The following PGBD1 variants were observed in gnomAD, a reference collection of about 807,000 sequenced individuals.
PGBD1 encodes piggyBac transposable element-derived protein 1.
In PGBD1, 25 loss-of-function variants were observed where a neutral mutation model predicts 34.7. That is an observed-to-expected ratio of 0.72 (90% CI 0.52 to 1.00). PGBD1 has a LOEUF of 1.00. Among genes scored for constraint, PGBD1 ranks in the 50% least tolerant of loss-of-function variants. The pLI is 0.00. For synonymous variants in PGBD1, 292 were observed against 335.7 expected (o/e 0.87, Z 1.42); for missense variants, 830 against 959.4 (o/e 0.87, Z 1.78).
intron 4 of PGBD1, among the ~76,000 whole-genome samples, chr6:28,292,437 A>C (rs903671165): frequency 6.6e-6 from 1 of 152,024 alleles, no homozygotes; most frequent in African/African-American, 2.4e-5. Flanking sequence ...TATATTTTTT[A>C]GTATTTTATT....
chr6:28,284,747 C>G (rs897927987), intron 2 of PGBD1, among the ~76,000 whole-genome samples: 2 of 152,138 alleles, frequency 1.3e-5, no homozygotes, highest in African/African-American at 4.8e-5. Flanking sequence ...TCTTGAACTC[C>G]TGGCCTCAAG....
chr6:28,286,948 A>G (rs1054030586), intron 3 of PGBD1, 132 bp from the exon 4 acceptor site: 2 of 698,378 alleles, frequency 2.9e-6, no homozygotes, highest in African/African-American at 3.6e-5. Flanking sequence ...TCTTTCTCAC[A>G]CTGTAAAATC....
chr6:28,285,018 T>C (rs547573806), intron 2 of PGBD1, among the ~76,000 whole-genome samples: 2 of 152,340 alleles, frequency 1.3e-5, no homozygotes, highest in South Asian at 4.1e-4. Flanking sequence ...ATATTGCACT[T>C]AGTTGCCATA....
At chr6:28,290,718 A>G (rs938638434) in intron 4 of PGBD1, among the ~76,000 whole-genome samples, 1 of 152,222 alleles carries the variant, frequency 6.6e-6, no homozygotes, top group Admixed American at 6.5e-5. Flanking sequence ...ATCTGAACAA[A>G]TTTTTAAAAA....
Position 28,302,295 on chromosome 6 carries a change from A to G in PGBD1, c.*11A>G. On this transcript the variant is annotated 3_prime_UTR_variant, in exon 7 of 7. Coordinates refer to ENST00000682144, the MANE Select transcript of PGBD1 (RefSeq NM_032507.4). ...CATCTGTCAGATTAGGGTACATAAA[A>G]TGGACATAGTGCAGACATTAATAAG... 1 of 1,602,884 alleles carries G rather than the reference A, an allele frequency of 6.2e-7. No individual in the cohort carries two copies. The highest frequency in any genetic ancestry group is 8.5e-7 in the Non-Finnish European group (1 of 1,172,796).
chr6:28,296,980 A>G, intron 5 of PGBD1, 35 bp downstream of exon 5: 2 of 1,611,306 alleles, frequency 1.2e-6, no homozygotes, highest in Non-Finnish European at 1.7e-6. Context: ...CCCTGTCTGG[A>G]CTCTCATTTT....
At chr6:28,284,916 T>A (rs886563116) in intron 2 of PGBD1, among the ~76,000 whole-genome samples, 1 of 152,218 alleles carries the variant, frequency 6.6e-6, no homozygotes, top group African/African-American at 2.4e-5. Flanking sequence ...TACTATCATA[T>A]AACCTTAGTC....
rs371191301 is a variant in PGBD1, at chr6:28,283,931, C to T, written c.118C>T (p.Gln40Ter). 1.9e-6 allele frequency: 3 copies of T among 1,614,224 alleles called. No individual in the cohort carries two copies. Among genetic ancestry groups the T allele is most frequent in the East Asian group, 2.2e-5 (1 of 44,890 alleles). ...CNSQEGSSHT[Q>*]EICRLRFRHF... ...CTCACAGGAGGGCAGCTCCCACACT[C>T]AGGAGATTTGCCGCCTGCGCTTTCG... The change falls in exon 2 of 7, where the codon CAG (glutamine) becomes TAG (stop). Residue 40 changes from glutamine to a stop codon, truncating the protein, a stop_gained. Transcript: ENST00000682144. LOFTEE classifies it high-confidence loss of function.
intron 3 of PGBD1, 124 bp downstream of exon 3, chr6:28,285,831 C>A: frequency 1.0e-6 from 1 of 984,578 alleles, no homozygotes. Flanking sequence ...ACATATCTCA[C>A]AGTTACCTTT....
intron 4 of PGBD1, among the ~76,000 whole-genome samples, chr6:28,295,742 G>A (rs755201110): frequency 3.3e-5 from 5 of 152,134 alleles, no homozygotes; most frequent in Admixed American, 6.5e-5. Context: ...ACATGCACTC[G>A]GAAGCCAAGA....
chr6:28,285,631 C>G lies in PGBD1; in HGVS notation c.477C>G (p.Leu159=). The G allele has an allele frequency of 6.2e-7, 1 of 1,614,158 alleles. No individual in the cohort carries two copies. The highest frequency in any genetic ancestry group is 2.2e-5 in the East Asian group (1 of 44,878). Residue 159 remains leucine (L), a synonymous_variant, in exon 3 of 7, where the codon CTC becomes CTG. Transcript: ENST00000682144. ...YQGVSLECQS[L]QLLPGITTLK... is the part of the protein sequence containing the mutation. ...GAGTCTCTTTGGAGTGTCAGAGCCT[C>G]CAGCTCCTGCCTGGGATAACCACCC...
intron 2 of PGBD1, among the ~76,000 whole-genome samples, 197 bp downstream of exon 2, chr6:28,284,406 G>A (rs752638936): frequency 1.1e-4 from 15 of 131,680 alleles, no homozygotes; most frequent in African/African-American, 2.5e-4. Flanking sequence ...GTACACACTC[G>A]TACAAGGAAG....
chr6:28,293,878 T>C (rs1314058378), intron 4 of PGBD1, among the ~76,000 whole-genome samples: 2 of 152,188 alleles, frequency 1.3e-5, no homozygotes, highest in Non-Finnish European at 2.9e-5. Flanking sequence ...ATAATACTAC[T>C]ACTACAGTGA....
At chr6:28,287,419 G>T (rs552811935) in intron 4 of PGBD1, among the ~76,000 whole-genome samples, 2 of 152,272 alleles carry the variant, frequency 1.3e-5, no homozygotes, top group East Asian at 3.9e-4. Flanking sequence ...ATGGGAGTGA[G>T]GGGTGGAGTG....
In PGBD1 at chr6:28,300,945, A is replaced by G; in HGVS notation, c.1091A>G (p.Asp364Gly). 2 of 1,614,146 alleles carry G rather than the reference A, an allele frequency of 1.2e-6. No homozygotes were observed. The highest frequency in any genetic ancestry group is 1.7e-6 in the Non-Finnish European group (2 of 1,180,032). ...GGCCTCTCATTCTCTGGTGACTCAG[A>G]TGTGGAAAAAGATAATGAGCCTGAG... ...LQGLSFSGDS[D>G]VEKDNEPEIQ... Residue 364 changes from aspartate to glycine, a missense_variant, in exon 7 of 7, where the codon GAT becomes GGT. This residue lies in a region of PGBD1 where 457 missense variants were observed against 515.4 expected (regional missense o/e 0.89). Transcript: ENST00000682144. This position sits in a 1 kb window ranked among gnomAD's most constrained non-coding sequence, Gnocchi z 4.0.
Position 28,296,904 on chromosome 6 carries a change from G to C in PGBD1, c.731G>C (p.Gly244Ala). 1 of 1,614,062 alleles carries C rather than the reference G, an allele frequency of 6.2e-7. No individual in the cohort carries two copies. The highest frequency in any genetic ancestry group is 8.5e-7 in the Non-Finnish European group (1 of 1,179,996). The change falls in exon 5 of 7, where the codon GGG becomes GCG. Residue 244 changes from glycine to alanine, a missense_variant. By Grantham distance (60) the Gly-to-Ala change is moderately conservative. Coordinates refer to ENST00000682144, the MANE Select transcript of PGBD1 (RefSeq NM_032507.4). ...HLSLTRRNLC[G>A]NSAQETVMSL... ...AGTCTGACTCGGAGGAACCTCTGTGGGAACTCAGCTCAGGAGACAGTTATG... is the reference window on the plus strand; with the variant it reads ...AGTCTGACTCGGAGGAACCTCTGTGCGAACTCAGCTCAGGAGACAGTTATG...
chr6:28,292,300 A>T (rs566882873), intron 4 of PGBD1, among the ~76,000 whole-genome samples: 1 of 152,326 alleles, frequency 6.6e-6, no homozygotes, highest in Non-Finnish European at 1.5e-5. Flanking sequence ...ACAATCTGAG[A>T]TAGAAATCAA....
At chr6:28,282,800 A>T (rs1049274215) in intron 1 of PGBD1, among the ~76,000 whole-genome samples, 2 of 152,184 alleles carry the variant, frequency 1.3e-5, no homozygotes, top group Non-Finnish European at 2.9e-5. Context: ...TTGGAGTGCA[A>T]AAAGCAAGCT....
chr6:28,283,621 C>A, intron 1 of PGBD1, 155 bp from the exon 2 acceptor site: 1 of 599,006 alleles, frequency 1.7e-6, no homozygotes, highest in Non-Finnish European at 2.7e-6. Flanking sequence ...ACTTCTGATT[C>A]ATTTCACTGA....
Sources: allele counts gnomAD v4.1 joint callset (sites outside exome capture counted in the v4.1 genomes callset), GRCh38; gene constraint gnomAD v4.1.1; regional missense constraint gnomAD v4.1.1; non-coding constraint Gnocchi (gnomAD v3.1); transcripts MANE v1.5; gene names NCBI Gene and HGNC (gene_info 2026-07-23, HGNC 2026-07-21).